Variants in MRNIP observed in about 807,000 individuals in gnomAD.
The protein encoded by MRNIP is MRN complex interacting protein.
MRNIP carries 30 observed loss-of-function variants against 29.8 expected under a neutral mutation model. The observed-to-expected ratio is 1.01, with a 90% CI of 0.75 to 1.36. The LOEUF is 1.36. MRNIP is among the 40% of genes most tolerant of loss of function. MRNIP has a pLI of 0.00. For missense variants in MRNIP, 459 were observed against 423.5 expected (o/e 1.08, Z -0.74); for synonymous variants, 201 against 164.1 (o/e 1.23, Z -1.72).
chr5:179,853,056 T>G, intron 2 of MRNIP: 1 of 459,286 alleles, frequency 2.2e-6, no homozygotes, highest in Non-Finnish European at 4.0e-6. Flanking sequence ...CATGTGTGCA[T>G]TAGTTTCTCT....
In MRNIP at chr5:179,837,385, C is replaced by G. The variant is rs1758632068; in HGVS notation, c.*6G>C. 1 of 1,586,224 alleles carries G rather than the reference C, an allele frequency of 6.3e-7. No individual in the cohort carries two copies. The highest frequency in any genetic ancestry group is 8.6e-7 in the Non-Finnish European group (1 of 1,164,724). ...GTATCTCGATTAATAACCTGCCAGT[C>G]CCAGATCACACATCATCATCGAAGT... is the stretch of plus-strand genomic sequence containing the variant. On this transcript the variant is annotated 3_prime_UTR_variant, in exon 7 of 7. Coordinates refer to ENST00000292586, the MANE Select transcript of MRNIP (RefSeq NM_016175.4).
At chr5:179,857,297 C>T (rs1429831281) in intron 1 of MRNIP, among the ~76,000 whole-genome samples, 1 of 151,908 alleles carries the variant, frequency 6.6e-6, no homozygotes, top group African/African-American at 2.4e-5. Flanking sequence ...CCCGTCTCTA[C>T]TAAAAATACA....
chr5:179,844,465 G>C, intron 3 of MRNIP: 1 of 448,654 alleles, frequency 2.2e-6, no homozygotes, highest in Non-Finnish European at 4.0e-6. Flanking sequence ...AAGATTGCTG[G>C]AAGATGGAAT....
rs564398562 is a variant in MRNIP at position 179,841,232 on chromosome 5, T to C, written c.450-273A>G. ...TCACTGCCGCCTTGACCTCCTGGGC[T>C]CAGGTGATCCTCCTGCCTCAGCCTC... is the stretch of plus-strand genomic sequence containing the variant. On this transcript the variant is annotated intron_variant, in intron 5 of 6. Transcript: ENST00000292586. The C allele has an allele frequency of 1.7e-4, 76 of 458,040 alleles. No individual in the cohort carries two copies. In the East Asian group the frequency reaches 3.1e-3, roughly 18 times the overall value. The allele number at this position is 458,040 out of a possible 1,614,324, so 28.4% of individuals were successfully genotyped here. A position where few individuals can be genotyped will look rare whatever the true frequency, so the allele number is the denominator to read the frequency against.
rs529654562 is a variant in MRNIP, at chr5:179,858,801, G to C, written c.-5C>G. 3.2e-6 allele frequency: 5 copies of C among 1,539,576 alleles called. No homozygotes were observed. Among genetic ancestry groups the C allele is most frequent in the South Asian group, 1.2e-5 (1 of 82,664 alleles). Reference sequence around the variant, plus strand: ...AGAACGCTGAAGCGACGCCATCCCTGCTTGTGCAGTCGCCAGGCAGCCAAG... The same window carrying C: ...AGAACGCTGAAGCGACGCCATCCCTCCTTGTGCAGTCGCCAGGCAGCCAAG... On this transcript the variant is annotated 5_prime_UTR_variant, in exon 1 of 7. Coordinates refer to ENST00000292586, the MANE Select transcript of MRNIP (RefSeq NM_016175.4).
rs373624554 is a variant in MRNIP, at chr5:179,842,073, T to C, written c.292-9A>G. 93 of 1,611,972 alleles carry C rather than the reference T, an allele frequency of 5.8e-5. No individual in the cohort carries two copies. In the African/African-American group the frequency reaches 1.0e-3, roughly 18 times the overall value. On this transcript the variant is annotated splice_polypyrimidine_tract_variant and intron_variant, in intron 4 of 6. Transcript: ENST00000292586. Reference sequence around the variant, plus strand: ...GAGGGCTGCGATTTTTCCTGCCAGATTGAGAAAAAAGTTGATTCTCAGTAC... The same window carrying C: ...GAGGGCTGCGATTTTTCCTGCCAGACTGAGAAAAAAGTTGATTCTCAGTAC...
intron 1 of MRNIP, among the ~76,000 whole-genome samples, chr5:179,855,549 C>T (rs1759540532): frequency 6.6e-6 from 1 of 152,166 alleles, no homozygotes; most frequent in Non-Finnish European, 1.5e-5. Flanking sequence ...ATTAATATAG[C>T]TTTTATATGA....
chr5:179,844,126 C>G, intron 4 of MRNIP, 26 bp downstream of exon 4: 1 of 1,607,528 alleles, frequency 6.2e-7, no homozygotes, highest in Non-Finnish European at 8.5e-7. Flanking sequence ...CAGAGCCAGC[C>G]TGGGGCAGGT....
Position 179,858,725 on chromosome 5 carries a change from C to A in MRNIP, c.66+6G>T. On this transcript the variant is annotated splice_donor_region_variant and intron_variant, in intron 1 of 6. Coordinates refer to ENST00000292586, the MANE Select transcript of MRNIP (RefSeq NM_016175.4). ...AGGAGGAGGAGGGGGCTGGCACCCG[C>A]CAGACCTGGTGCGCCTGGAAGAGGC... The A allele has an allele frequency of 6.6e-7, 1 of 1,513,404 alleles. No homozygotes were observed. The highest frequency in any genetic ancestry group is 8.9e-7 in the Non-Finnish European group (1 of 1,128,144). The allele number at this position is 1,513,404 out of a possible 1,614,324, so 93.7% of individuals were successfully genotyped here. A position where few individuals can be genotyped will look rare whatever the true frequency, so the allele number is the denominator to read the frequency against.
intron 3 of MRNIP, among the ~76,000 whole-genome samples, chr5:179,845,162 C>A (rs1211341461): frequency 6.6e-6 from 1 of 152,104 alleles, no homozygotes; most frequent in Non-Finnish European, 1.5e-5. Flanking sequence ...CTCTCTTCAG[C>A]TGCATTTAAT....
chr5:179,855,364 G>C (rs1044697464), intron 1 of MRNIP, among the ~76,000 whole-genome samples: 12 of 151,922 alleles, frequency 7.9e-5, no homozygotes, highest in Admixed American at 3.3e-4. Flanking sequence ...GGCTGGTCTC[G>C]AACTCCTGAC....
chr5:179,845,393 C>A (rs1040659000), intron 3 of MRNIP, among the ~76,000 whole-genome samples: 2 of 152,136 alleles, frequency 1.3e-5, no homozygotes, highest in African/African-American at 4.8e-5. Context: ...AAGTGATCTG[C>A]CTGCCTTGGC....
intron 1 of MRNIP, 58 bp from the exon 2 acceptor site, chr5:179,853,495 G>T: frequency 7.0e-7 from 1 of 1,424,658 alleles, no homozygotes; most frequent in Non-Finnish European, 9.7e-7. Context: ...AATGGAATTG[G>T]GCTGGACTCG....
intron 3 of MRNIP, chr5:179,846,011 G>C (rs962616506): frequency 6.6e-6 from 1 of 152,118 alleles, no homozygotes; most frequent in African/African-American, 2.4e-5. Context: ...AGCGGTCTTT[G>C]GTCCAGGGTA....
chr5:179,844,692 C>T lies in MRNIP; in HGVS notation c.216-465G>A, dbSNP rs1449447503. Among the ~76,000 whole-genome samples, 43 of 152,132 alleles carry T rather than the reference C, an allele frequency of 2.8e-4. 1 individual carries two copies. Among genetic ancestry groups the T allele is most frequent in the Admixed American group, 2.8e-3 (43 of 15,266 alleles). ...CTACCCACCTCGGCCTCCCAAAGTG[C>T]TGGGATTACAAGCGTGAAGTACGCA... On this transcript the variant is annotated intron_variant, in intron 3 of 6. Coordinates refer to ENST00000292586, the MANE Select transcript of MRNIP (RefSeq NM_016175.4).
At chr5:179,857,200 G>C (rs923247621) in intron 1 of MRNIP, among the ~76,000 whole-genome samples, 5 of 152,114 alleles carry the variant, frequency 3.3e-5, no homozygotes, top group African/African-American at 4.8e-5. Context: ...CGTAACACCA[G>C]CACTGTAATC....
chr5:179,842,724 A>AAG (rs1758943597), intron 4 of MRNIP, among the ~76,000 whole-genome samples: 1 of 134,852 alleles, frequency 7.4e-6, no homozygotes, highest in Non-Finnish European at 1.6e-5. Flanking sequence ...AAAAAAAAAA[A>AAG]AAAAAAGAAC....
Position 179,837,369 on chromosome 5 carries a change from T to TTAA in MRNIP, c.*19_*21dup, listed in dbSNP as rs775975516. The stretch of plus-strand genomic sequence containing the variant: ...GTCCCTCCTAACAAGTGTATCTCGA[T>TTAA]TAATAACCTGCCAGTCCCAGATCAC... On this transcript the variant is annotated 3_prime_UTR_variant, in exon 7 of 7. Coordinates refer to ENST00000292586, the MANE Select transcript of MRNIP (RefSeq NM_016175.4). 6.3e-7 allele frequency: 1 copy of TTAA among 1,581,686 alleles called. No individual in the cohort carries two copies. The highest frequency in any genetic ancestry group is 8.6e-7 in the Non-Finnish European group (1 of 1,162,832).
intron 6 of MRNIP, chr5:179,839,833 T>TG (rs1758800263): frequency 6.6e-6 from 1 of 152,372 alleles, no homozygotes; most frequent in African/African-American, 2.4e-5. Flanking sequence ...GACTGGAAGC[T>TG]TCAAGAACAA....
Sources: allele counts gnomAD v4.1 joint callset (sites outside exome capture counted in the v4.1 genomes callset), GRCh38; gene constraint gnomAD v4.1.1; transcripts MANE v1.5; gene names NCBI Gene and HGNC (gene_info 2026-07-23, HGNC 2026-07-21).